Variants in ME3 observed in about 807,000 individuals in gnomAD.
ME3 encodes NADP-dependent malic enzyme, mitochondrial.
ME3 carries 48 observed loss-of-function variants against 68.9 expected under a neutral mutation model. That is an observed-to-expected ratio of 0.70 (90% confidence interval 0.55 to 0.89). The LOEUF (loss-of-function observed/expected upper bound fraction) is 0.89. Among genes scored for constraint, ME3 ranks in the 40% least tolerant of loss-of-function variants. ME3 has a pLI of 0.00. For synonymous variants in ME3, 320 were observed against 318.8 expected, an observed-to-expected ratio of 1.00 and a Z score of -0.04; for missense variants, 675 against 797.4, an observed-to-expected ratio of 0.85 and a Z score of 1.85.
intron 4 of ME3, among the ~76,000 whole-genome samples, chr11:86,521,870 A>G (rs1437187491): frequency 1.3e-5 from 2 of 152,212 alleles, no homozygotes; most frequent in African/African-American, 4.8e-5. Context: ...TGGTAATAAC[A>G]CAAAGCCTCT....
chr11:86,653,429 G>A (rs1023857945), intron 2 of ME3, among the ~76,000 whole-genome samples: 1 of 152,136 alleles, frequency 6.6e-6, no homozygotes, highest in Non-Finnish European at 1.5e-5. Flanking sequence ...CTAGAACTCA[G>A]GATTAAGAAA....
rs760544548 is a variant in ME3 at position 86,493,702 on chromosome 11, C to T, written c.705+4261G>A. On this transcript the variant is annotated intron_variant, in intron 6 of 14. Coordinates refer to ENST00000543262, the Ensembl canonical transcript of ME3. ...ATGTCCCTTCTTCATGGGATCATGG[C>T]GCCACATATTTATTTTTCCAAATCT... is the stretch of plus-strand genomic sequence containing the variant. Among the ~76,000 whole-genome samples the T allele has an allele frequency of 1.1e-4, 17 of 152,182 alleles. 1 individual carries two copies. Among genetic ancestry groups the T allele is most frequent in the African/African-American group, 3.6e-4 (15 of 41,438 alleles).
At chr11:86,511,089 C>A (rs201813989) in intron 4 of ME3, among the ~76,000 whole-genome samples, 1 of 152,204 alleles carries the variant, frequency 6.6e-6, no homozygotes, top group Non-Finnish European at 1.5e-5. Context: ...TCAAACACTT[C>A]TTTCATCAGT....
intron 2 of ME3, among the ~76,000 whole-genome samples, chr11:86,607,099 T>C (rs1386628224): frequency 6.6e-6 from 1 of 152,196 alleles, no homozygotes; most frequent in Non-Finnish European, 1.5e-5. Context: ...ACAGGCTTAT[T>C]TTCATAGCTG....
chr11:86,581,095 A>T (rs1174932177), intron 2 of ME3, among the ~76,000 whole-genome samples: 1 of 152,210 alleles, frequency 6.6e-6, no homozygotes, highest in Admixed American at 6.6e-5. Context: ...ATTCAATCCA[A>T]CTCTGGCCGT....
intron 7 of ME3, among the ~76,000 whole-genome samples, chr11:86,486,326 C>G (rs930498985): frequency 2.6e-5 from 4 of 152,318 alleles, no homozygotes; most frequent in African/African-American, 9.6e-5. Flanking sequence ...AAACAAAACA[C>G]AACACCAACA....
chr11:86,507,064 T>C (rs1478172660), intron 5 of ME3, among the ~76,000 whole-genome samples: 1 of 152,258 alleles, frequency 6.6e-6, no homozygotes, highest in Non-Finnish European at 1.5e-5. Context: ...GGCTCGAGCC[T>C]GGCTCCTGAG....
At chr11:86,587,751 T>C (rs1450936689) in intron 2 of ME3, among the ~76,000 whole-genome samples, 1 of 152,172 alleles carries the variant, frequency 6.6e-6, no homozygotes, top group Non-Finnish European at 1.5e-5. Flanking sequence ...TTACTGTAAC[T>C]AAGGGAGAAT....
chr11:86,484,134 T>C (rs376661612), intron 7 of ME3, among the ~76,000 whole-genome samples: 19 of 152,286 alleles, frequency 1.2e-4, no homozygotes, highest in African/African-American at 4.3e-4. Context: ...AACTGAGCCA[T>C]AGTAAGTTTA....
chr11:86,580,448 A>G (rs1176163398), intron 2 of ME3, among the ~76,000 whole-genome samples: 3 of 152,234 alleles, frequency 2.0e-5, no homozygotes, highest in Non-Finnish European at 4.4e-5. Flanking sequence ...GATTGACTAA[A>G]TACATGACTG....
Position 86,597,988 on chromosome 11 carries a change from C to A in ME3, c.184-38165G>T, listed in dbSNP as rs377031689. Among the ~76,000 whole-genome samples, 31 of 152,238 alleles carry A rather than the reference C, an allele frequency of 2.0e-4. 1 individual carries two copies. In the South Asian group the frequency reaches 6.4e-3, roughly 32 times the overall value. Reference sequence around the variant, plus strand: ...AGGAGCCAAGATGGCCGAATAGGAACAGTTCTGGTCTACAGCTCCCAGCAT... The same window carrying A: ...AGGAGCCAAGATGGCCGAATAGGAAAAGTTCTGGTCTACAGCTCCCAGCAT... On this transcript the variant is annotated intron_variant, in intron 2 of 14. Coordinates refer to ENST00000543262, the Ensembl canonical transcript of ME3.
Position 86,510,405 on chromosome 11 carries a change from T to A in ME3, c.468-1538A>T, listed in dbSNP as rs75019313. Among the ~76,000 whole-genome samples the A allele has an allele frequency of 5.2e-3, 795 of 152,314 alleles. 5 individuals carry two copies. The highest frequency in any genetic ancestry group is 0.018 in the African/African-American group (763 of 41,562). ...TGTGGCTCCTTCTCAGTCTCTTATG[T>A]TGGGTAAGTCATCCCGCCATTATGC... On this transcript the variant is annotated intron_variant, in intron 4 of 14. Transcript: ENST00000543262.
chr11:86,657,220 A>G (rs1945951668), intron 2 of ME3, among the ~76,000 whole-genome samples: 1 of 152,180 alleles, frequency 6.6e-6, no homozygotes, highest in Non-Finnish European at 1.5e-5. Context: ...AACCAACCCA[A>G]ATGCCCATCA....
intron 13 of ME3, 69 bp from the exon 14 acceptor site, chr11:86,442,988 T>A: frequency 7.9e-7 from 1 of 1,266,970 alleles, no homozygotes; most frequent in Non-Finnish European, 1.1e-6. Context: ...CCCAACCCGT[T>A]ACCCCAGAGA....
At position 86,596,137 on chromosome 11, in the gene ME3, C is replaced by T. The variant is rs80128781; in HGVS notation, c.184-36314G>A. 9.8e-5 allele frequency among the ~76,000 whole-genome samples: 15 copies of T among 152,298 alleles called. No individual in the cohort carries two copies. In the East Asian group the frequency reaches 2.9e-3, roughly 29 times the overall value. On this transcript the variant is annotated intron_variant, in intron 2 of 14. Coordinates refer to ENST00000543262, the Ensembl canonical transcript of ME3. ...TGATAGTTCCCTTAACGGTTGCCTT[C>T]GTATTTCAAAACCTATGAAATTACA...
chr11:86,548,796 G>C (rs1193607415), intron 4 of ME3, among the ~76,000 whole-genome samples: 1 of 152,122 alleles, frequency 6.6e-6, no homozygotes, highest in East Asian at 1.9e-4. Flanking sequence ...TATAGGTCAC[G>C]CTACTAGTTC....
chr11:86,672,308 T>A lies in ME3; in HGVS notation c.-15+16A>T, dbSNP rs1418675508. 3 of 212,804 alleles carry A rather than the reference T, an allele frequency of 1.4e-5. No individual in the cohort carries two copies. The highest frequency in any genetic ancestry group is 6.9e-5 in the African/African-American group (3 of 43,610). The allele number at this position is 212,804 out of a possible 1,614,324, so 13.2% of individuals were successfully genotyped here. ...CGCGTGGTGGCTTGCCTCGGTCCTCTCCTTCCCTGGCCCACCTGCGCTGCT... is the reference window on the plus strand; with the variant it reads ...CGCGTGGTGGCTTGCCTCGGTCCTCACCTTCCCTGGCCCACCTGCGCTGCT... On this transcript the variant is annotated intron_variant, in intron 1 of 14. Coordinates refer to ENST00000543262, the Ensembl canonical transcript of ME3.
intron 7 of ME3, among the ~76,000 whole-genome samples, chr11:86,466,471 C>T (rs543242221): frequency 5.3e-5 from 8 of 152,078 alleles, no homozygotes; most frequent in Non-Finnish European, 8.8e-5. Context: ...GACCTACAGG[C>T]TTGGGAGCAG....
At chr11:86,657,469 A>C (rs1241664179) in intron 2 of ME3, among the ~76,000 whole-genome samples, 2 of 14,442 alleles carry the variant, frequency 1.4e-4, no homozygotes, top group Admixed American at 9.5e-4. Flanking sequence ...GGCCTGTAGG[A>C]GGGGGTGTGG....
Sources: allele counts gnomAD v4.1 joint callset (sites outside exome capture counted in the v4.1 genomes callset), GRCh38; gene constraint gnomAD v4.1.1; transcripts MANE v1.5; gene names NCBI Gene and HGNC (gene_info 2026-07-23, HGNC 2026-07-21).